The following MGAM2 variants were observed in gnomAD, a reference collection of about 807,000 sequenced individuals.
MGAM2 encodes probable maltase-glucoamylase 2.
Under a neutral mutation model 96.1 loss-of-function variants are expected in MGAM2, and 98 were observed. The observed-to-expected ratio is 1.02, with a 90% CI of 0.87 to 1.21. The LOEUF (loss-of-function observed/expected upper bound fraction) is 1.21, where lower values mean the gene tolerates loss of function less well. Among genes scored for constraint, MGAM2 ranks in the 50% most tolerant of loss-of-function variants. MGAM2 has a pLI of 0.00. For missense variants in MGAM2, 2,055 were observed against 1,182.4 expected (o/e 1.74, Z -10.82); for synonymous variants, 749 against 414.8 (o/e 1.81, Z -9.79).
chr7:142,121,654 ATTT>A (rs1794576567), intron 3 of MGAM2, among the ~76,000 whole-genome samples: 1 of 150,424 alleles, frequency 6.6e-6, no homozygotes, highest in African/African-American at 2.4e-5. Flanking sequence ...TCTTACTATT[ATTT>A]TATTTTTATA....
rs201152295 is a variant in MGAM2 at position 142,197,516 on chromosome 7, G to A, written c.4749G>A (p.Glu1583=). Residue 1583 remains glutamate, a synonymous_variant, in exon 41 of 48, where the codon GAG becomes GAA. Coordinates refer to ENST00000477922, the MANE Select transcript of MGAM2 (RefSeq NM_001293626.2). ...CTCTGATGCATAAAGCTCACGTTGA[G>A]GGCAGCACAGTTGTCCGGCCCCTTC... ...LYTLMHKAHV[E]GSTVVRPLLH... 1.4e-4 allele frequency: 101 copies of A among 703,032 alleles called. No homozygotes were observed. The highest frequency in any genetic ancestry group is 2.5e-4 in the Non-Finnish European group (96 of 385,046). 43.5% of individuals were successfully genotyped at this position (703,032 alleles called of 1,614,324 possible). A position where few individuals can be genotyped will look rare whatever the true frequency, so the allele number is the denominator to read the frequency against.
intron 45 of MGAM2, among the ~76,000 whole-genome samples, chr7:142,207,973 G>A (rs908840010): frequency 5.3e-5 from 8 of 152,142 alleles, no homozygotes; most frequent in African/African-American, 1.4e-4. Flanking sequence ...TGGTGAAGGT[G>A]AAGATTGATG....
At chr7:142,170,294 A>G in intron 27 of MGAM2, 65 bp downstream of exon 27, 1 of 613,452 alleles carries the variant, frequency 1.6e-6, no homozygotes, top group Non-Finnish European at 2.9e-6. Flanking sequence ...GTTACAATTA[A>G]TTCAAGTGAA....
Position 142,154,158 on chromosome 7 carries a change from T to A in MGAM2, c.1775T>A (p.Ile592Asn), listed in dbSNP as rs1795667039. The A allele has an allele frequency of 1.5e-6, 1 of 648,170 alleles. No individual in the cohort carries two copies. The highest frequency in any genetic ancestry group is 2.7e-5 in the East Asian group (1 of 36,490). The allele number at this position is 648,170 out of a possible 1,614,324, so 40.2% of individuals were successfully genotyped here. A position where few individuals can be genotyped will look rare whatever the true frequency, so the allele number is the denominator to read the frequency against. Residue 592 changes from isoleucine (I) to asparagine (N), a missense_variant, in exon 16 of 48, where the codon ATC becomes AAC. Ile to Asn is a moderately radical substitution (Grantham distance 149). Transcript: ENST00000477922. ...GACCTCCGATGGTCTATCCCCACTA[T>A]CCTTGAGTTCAACCTGTTTGGCATC... ...WDDLRWSIPTILEFNLFGIPM... is the reference protein window; with the variant it reads ...WDDLRWSIPTNLEFNLFGIPM...
In MGAM2 at chr7:142,120,301, G is replaced by A; in HGVS notation, c.107-1G>A. The stretch of plus-strand genomic sequence containing the variant: ...AACTTTATCCTTTAATTCCTATGCA[G>A]ATACTTCATTTACTCCAGAGTGCCC... On this transcript the variant is annotated splice_acceptor_variant, in intron 2 of 47. Coordinates refer to ENST00000477922, the MANE Select transcript of MGAM2 (RefSeq NM_001293626.2). LOFTEE classifies it high-confidence loss of function. 1 of 702,984 alleles carries A rather than the reference G, an allele frequency of 1.4e-6. No individual in the cohort carries two copies. The highest frequency in any genetic ancestry group is 2.6e-6 in the Non-Finnish European group (1 of 384,898). The allele number at this position is 702,984 out of a possible 1,614,324, so 43.5% of individuals were successfully genotyped here.
At chr7:142,169,286 G>A (rs1424816100) in intron 26 of MGAM2, among the ~76,000 whole-genome samples, 2 of 152,078 alleles carry the variant, frequency 1.3e-5, no homozygotes, top group Non-Finnish European at 2.9e-5. Context: ...GCCAGGCCTG[G>A]TGGTGCGCAC....
intron 15 of MGAM2, among the ~76,000 whole-genome samples, chr7:142,149,825 G>A (rs1434817315): frequency 2.0e-5 from 3 of 152,174 alleles, no homozygotes; most frequent in African/African-American, 4.8e-5. Context: ...ACAGGCGTGA[G>A]CCACCGCGCC....
chr7:142,182,878 G>C (rs1796583295), intron 32 of MGAM2, among the ~76,000 whole-genome samples: 1 of 152,186 alleles, frequency 6.6e-6, no homozygotes, highest in African/African-American at 2.4e-5. Flanking sequence ...CTCCATGGGA[G>C]AGGTGCTTCC....
chr7:142,119,892 A>G (rs1363320355), intron 2 of MGAM2, among the ~76,000 whole-genome samples: 1 of 152,210 alleles, frequency 6.6e-6, no homozygotes, highest in Admixed American at 6.5e-5. Flanking sequence ...TTTGCCAGGG[A>G]TTGGGAGAAC....
intron 6 of MGAM2, among the ~76,000 whole-genome samples, chr7:142,133,258 A>G (rs1794959895): frequency 6.9e-6 from 1 of 144,978 alleles, no homozygotes; most frequent in South Asian, 2.1e-4. Context: ...AAATATTTAT[A>G]TAAAATTTAA....
intron 46 of MGAM2, among the ~76,000 whole-genome samples, chr7:142,208,955 G>T (rs1335113939): frequency 6.6e-6 from 1 of 152,188 alleles, no homozygotes; most frequent in Non-Finnish European, 1.5e-5. Context: ...TACTTATTAT[G>T]CAATAATGCA....
chr7:142,128,985 A>G (rs1794805224), intron 3 of MGAM2, among the ~76,000 whole-genome samples: 1 of 152,152 alleles, frequency 6.6e-6, no homozygotes, highest in African/African-American at 2.4e-5. Flanking sequence ...AGCCGCAGAC[A>G]CTCAATGCCA....
intron 15 of MGAM2, among the ~76,000 whole-genome samples, chr7:142,151,382 T>G (rs180687362): frequency 2.6e-5 from 4 of 152,270 alleles, no homozygotes; most frequent in Non-Finnish European, 5.9e-5. Flanking sequence ...GTATTTTGGT[T>G]AAAAAAAGAA....
chr7:142,138,612 G>A lies in MGAM2; in HGVS notation c.1031G>A (p.Gly344Asp). ...CAGCTTAGTCGCAGGGACTATGGTG[G>A]CATCAATAAATTGAAAGAAGTTGTA... ...GFQLSRRDYG[G>D]INKLKEVVSR... Residue 344 changes from glycine to aspartate, a missense_variant, in exon 10 of 48, where the codon GGC (glycine) becomes GAC (aspartate). Physicochemically the swap from Gly to Asp is moderately conservative, Grantham distance 94. Coordinates refer to ENST00000477922, the MANE Select transcript of MGAM2 (RefSeq NM_001293626.2). 1.4e-6 allele frequency: 1 copy of A among 702,974 alleles called. No individual in the cohort carries two copies. Among genetic ancestry groups the A allele is most frequent in the Non-Finnish European group, 2.6e-6 (1 of 384,956 alleles). The allele number at this position is 702,974 out of a possible 1,614,324, so 43.5% of individuals were successfully genotyped here.
chr7:142,135,294 G>A (rs183449960), intron 7 of MGAM2, among the ~76,000 whole-genome samples: 87 of 152,294 alleles, frequency 5.7e-4, no homozygotes, highest in African/African-American at 2.0e-3. Flanking sequence ...TAAATGTTTG[G>A]TCAAGGACCC....
intron 36 of MGAM2, 100 bp downstream of exon 36, chr7:142,187,934 C>A: frequency 4.8e-6 from 3 of 629,466 alleles, no homozygotes; most frequent in Non-Finnish European, 8.7e-6. Flanking sequence ...AAGACAGAAA[C>A]CATTCTCCAA....
intron 33 of MGAM2, among the ~76,000 whole-genome samples, 180 bp downstream of exon 33, chr7:142,183,553 C>A (rs999468862): frequency 6.6e-6 from 1 of 152,192 alleles, no homozygotes; most frequent in African/African-American, 2.4e-5. Flanking sequence ...ATCTCATCCT[C>A]TATTATTATT....
intron 17 of MGAM2, 111 bp downstream of exon 17, chr7:142,154,956 G>A (rs1184460896): frequency 9.4e-6 from 6 of 637,498 alleles, no homozygotes; most frequent in Non-Finnish European, 1.7e-5. Context: ...TGCAGCAGAA[G>A]GATAAAAAAG....
In MGAM2 at chr7:142,197,468, T is replaced by C. The variant is rs1356220539; in HGVS notation, c.4701T>C (p.Tyr1567=). 2.8e-6 allele frequency: 2 copies of C among 703,040 alleles called. No homozygotes were observed. The highest frequency in any genetic ancestry group is 4.0e-5 in the Admixed American group (2 of 50,020). The allele number at this position is 703,040 out of a possible 1,614,324, so 43.6% of individuals were successfully genotyped here. Residue 1567 remains tyrosine (Y), a synonymous_variant, in exon 41 of 48, where the codon TAT becomes TAC. Transcript: ENST00000477922. The part of the protein sequence containing the change: ...MLSRKVLETR[Y]TLLPYLYTLM... ...CCAGAAAAGTCCTAGAGACCAGATA[T>C]ACCCTGCTTCCTTATCTCTATACTC...
Sources: allele counts gnomAD v4.1 joint callset (sites outside exome capture counted in the v4.1 genomes callset), GRCh38; gene constraint gnomAD v4.1.1; transcripts MANE v1.5; gene names NCBI Gene and HGNC (gene_info 2026-07-23, HGNC 2026-07-21).